PXDNL: variants seen among roughly 807,000 people sequenced by gnomAD.
The protein encoded by PXDNL is peroxidasin like.
Under a neutral mutation model 150.8 loss-of-function variants are expected in PXDNL, and 145 were observed. That is an observed-to-expected ratio of 0.96 (90% CI 0.84 to 1.10). The LOEUF (loss-of-function observed/expected upper bound fraction) is 1.10. Ranked by LOEUF, PXDNL falls within the 50% of genes least tolerant of loss-of-function variation. The pLI is 0.00. For missense variants in PXDNL, 2,087 were observed against 1,873.9 expected (o/e 1.11, Z -2.10); for synonymous variants, 757 against 725.7 (o/e 1.04, Z -0.69).
intron 1 of PXDNL, among the ~76,000 whole-genome samples, chr8:51,674,186 A>G (rs951471857): frequency 6.6e-6 from 1 of 152,074 alleles, no homozygotes; most frequent in Non-Finnish European, 1.5e-5. Flanking sequence ...TCCTCCAACT[A>G]TTGCTGAGAA....
intron 2 of PXDNL, among the ~76,000 whole-genome samples, chr8:51,612,523 C>T (rs970545075): frequency 1.3e-5 from 2 of 152,164 alleles, no homozygotes; most frequent in African/African-American, 4.8e-5. Flanking sequence ...TTGTGCCCCC[C>T]ACTGCCCCCA....
At chr8:51,375,196 A>G (rs3097702) in intron 17 of PXDNL, among the ~76,000 whole-genome samples, 109,462 of 152,152 alleles carry the variant, frequency 0.72, 41,747 homozygotes, top group East Asian at 0.95. Flanking sequence ...TGCGGAGATG[A>G]TAAGATAAAA....
intron 17 of PXDNL, among the ~76,000 whole-genome samples, chr8:51,405,459 A>G (rs1264261046): frequency 6.6e-6 from 1 of 152,154 alleles, no homozygotes; most frequent in African/African-American, 2.4e-5. Flanking sequence ...CTCAAGATAC[A>G]TCTTAGAGGC....
At chr8:51,426,803 T>G (rs1236516500) in intron 12 of PXDNL, 45 bp from the exon 13 acceptor site, 2 of 1,127,672 alleles carry the variant, frequency 1.8e-6, no homozygotes, top group Non-Finnish European at 1.3e-6. Flanking sequence ...TAATATCATT[T>G]TTGTCAACAT....
rs1808551052 is a variant in PXDNL at position 51,409,278 on chromosome 8, C to T, written c.2346G>A (p.Leu782=). 1 of 1,430,548 alleles carries T rather than the reference C, an allele frequency of 7.0e-7. No homozygotes were observed. Among genetic ancestry groups the T allele is most frequent in the South Asian group, 1.5e-5 (1 of 67,588 alleles). 88.6% of individuals were successfully genotyped at this position (1,430,548 alleles called of 1,614,324 possible). A position where few individuals can be genotyped will look rare whatever the true frequency, so the allele number is the denominator to read the frequency against. Residue 782 remains leucine (L), a synonymous_variant, in exon 17 of 23, where the codon CTG becomes CTA. Transcript: ENST00000356297. Reference sequence around the variant, plus strand: ...CCGCGCGCGCCCACACTGTGGCGACCAGCCGGGGCGGCGGGAGGGGCTGGC... The same window carrying T: ...CCGCGCGCGCCCACACTGTGGCGACTAGCCGGGGCGGCGGGAGGGGCTGGC... ...GSRQPLPPPR[L]VATVWARAAA... is the part of the protein sequence containing the mutation.
chr8:51,371,616 G>A (rs752276199), intron 19 of PXDNL, among the ~76,000 whole-genome samples: 43 of 152,176 alleles, frequency 2.8e-4, no homozygotes, highest in Non-Finnish European at 7.4e-5. Flanking sequence ...AATGCAGTAA[G>A]AAGGCAGAGG....
At chr8:51,332,582 A>G (rs1586007600) in intron 21 of PXDNL, among the ~76,000 whole-genome samples, 1 of 152,256 alleles carries the variant, frequency 6.6e-6, no homozygotes, top group East Asian at 1.9e-4. Flanking sequence ...ATCAAAAAAA[A>G]AAAGATACAA....
intron 17 of PXDNL, among the ~76,000 whole-genome samples, chr8:51,381,801 C>A (rs894258117): frequency 2.6e-5 from 4 of 151,182 alleles, no homozygotes; most frequent in Admixed American, 2.6e-4. Context: ...TATAGGCACC[C>A]GTCCCCACGC....
chr8:51,501,125 G>A (rs1393928785), intron 4 of PXDNL, among the ~76,000 whole-genome samples: 1 of 152,104 alleles, frequency 6.6e-6, no homozygotes, highest in Non-Finnish European at 1.5e-5. Context: ...TCAGCATCCT[G>A]GCCCGTATCC....
At chr8:51,484,528 T>C (rs1343352899) in intron 5 of PXDNL, among the ~76,000 whole-genome samples, 1 of 151,766 alleles carries the variant, frequency 6.6e-6, no homozygotes, top group African/African-American at 2.4e-5. Flanking sequence ...TGGGATCACA[T>C]GGAGATGTGC....
intron 1 of PXDNL, among the ~76,000 whole-genome samples, chr8:51,662,164 T>A (rs1429030932): frequency 6.6e-6 from 1 of 152,216 alleles, no homozygotes; most frequent in African/African-American, 2.4e-5. Context: ...TTGGCCTTCC[T>A]TATTTTCGGG....
At chr8:51,445,192 T>A (rs1809647468) in intron 12 of PXDNL, among the ~76,000 whole-genome samples, 1 of 152,152 alleles carries the variant, frequency 6.6e-6, no homozygotes, top group African/African-American at 2.4e-5. Flanking sequence ...AGTGTTGGGA[T>A]TACAGGTGTG....
chr8:51,474,675 C>T (rs1371404867), intron 7 of PXDNL, among the ~76,000 whole-genome samples: 5 of 152,178 alleles, frequency 3.3e-5, no homozygotes, highest in African/African-American at 1.2e-4. Flanking sequence ...ACGTTGGACA[C>T]CACTTCTGGT....
intron 1 of PXDNL, among the ~76,000 whole-genome samples, chr8:51,713,410 A>G (rs1333028163): frequency 6.6e-6 from 1 of 152,258 alleles, no homozygotes; most frequent in Non-Finnish European, 1.5e-5. Flanking sequence ...ATAACTTGGC[A>G]TTCAAACAAG....
intron 1 of PXDNL, among the ~76,000 whole-genome samples, chr8:51,695,567 T>C (rs1255676371): frequency 6.6e-6 from 1 of 152,100 alleles, no homozygotes; most frequent in Non-Finnish European, 1.5e-5. Context: ...ACAAATTCGT[T>C]GGGTGAGTGA....
intron 1 of PXDNL, among the ~76,000 whole-genome samples, chr8:51,753,300 G>A (rs963299593): frequency 2.0e-5 from 3 of 152,126 alleles, no homozygotes; most frequent in Non-Finnish European, 4.4e-5. Context: ...CCCTGTTTAA[G>A]CTACTGTCAC....
At chr8:51,344,828 A>G (rs1806094881) in intron 20 of PXDNL, among the ~76,000 whole-genome samples, 1 of 152,216 alleles carries the variant, frequency 6.6e-6, no homozygotes, top group Admixed American at 6.5e-5. Flanking sequence ...CCCATTTTAC[A>G]GCAGAGGAAA....
intron 4 of PXDNL, among the ~76,000 whole-genome samples, chr8:51,545,615 A>T (rs1175852690): frequency 2.0e-5 from 3 of 152,112 alleles, no homozygotes; most frequent in Non-Finnish European, 4.4e-5. Flanking sequence ...AAGGCATCCC[A>T]TGGCCTTATG....
intron 1 of PXDNL, among the ~76,000 whole-genome samples, chr8:51,704,644 G>A (rs945443628): frequency 2.0e-5 from 3 of 152,112 alleles, no homozygotes; most frequent in Non-Finnish European, 4.4e-5. Context: ...ACCACACTTG[G>A]GGTACTCAAA....
Sources: allele counts gnomAD v4.1 joint callset (sites outside exome capture counted in the v4.1 genomes callset), GRCh38; gene constraint gnomAD v4.1.1; transcripts MANE v1.5; gene names NCBI Gene and HGNC (gene_info 2026-07-23, HGNC 2026-07-21).